The following DEFA5 variants were observed in gnomAD, a reference collection of about 807,000 sequenced individuals.
The protein encoded by DEFA5 is HD5(20-94).
DEFA5 carries 11 observed loss-of-function variants against 8.7 expected under a neutral mutation model. The observed-to-expected ratio is 1.26, with a 90% CI of 0.80 to 2.09. The LOEUF is 2.09. Among genes scored for constraint, DEFA5 ranks in the 30% most tolerant of loss-of-function variants. The pLI is 0.00. For missense variants in DEFA5, 181 were observed against 117.2 expected (o/e 1.54, Z -2.52); for synonymous variants, 52 against 43.9 (o/e 1.18, Z -0.73).
chr8:7,056,665 G>A lies in DEFA5; in HGVS notation c.33C>T (p.Leu11=), dbSNP rs1812444146. The A allele has an allele frequency of 2.5e-6, 4 of 1,613,564 alleles. No individual in the cohort carries two copies. Among genetic ancestry groups the A allele is most frequent in the Non-Finnish European group, 2.5e-6 (3 of 1,179,632 alleles). ...CAGCCTGGGCCTGCAGGGCCACCAG[G>A]AGAATGGCAGCAAGGATGGCGATGG... is the stretch of plus-strand genomic sequence containing the variant. MRTIAILAAI[L]LVALQAQAES... Residue 11 remains leucine, a synonymous_variant, in exon 1 of 2, where the codon CTC becomes CTT. Transcript: ENST00000330590.
At chr8:7,056,430 C>G (rs1313119557) in intron 1 of DEFA5, 96 bp downstream of exon 1, 1 of 1,256,422 alleles carries the variant, frequency 8.0e-7, no homozygotes, top group Non-Finnish European at 1.1e-6. Context: ...AGTAAAGTCA[C>G]TCAAGTGAGG....
chr8:7,055,360 G>T lies in DEFA5; in HGVS notation c.*71C>A. The T allele has an allele frequency of 9.0e-7, 1 of 1,110,082 alleles. No individual in the cohort carries two copies. 68.8% of individuals were successfully genotyped at this position (1,110,082 alleles called of 1,614,324 possible). On this transcript the variant is annotated 3_prime_UTR_variant, in exon 2 of 2. Transcript: ENST00000330590. ...AATTTAGAAAGACACAAGGTACACA[G>T]AGTAAAATGTTTTTCTTTTTTCAGG... is the stretch of plus-strand genomic sequence containing the variant.
chr8:7,055,774 C>T (rs894178476), intron 1 of DEFA5, among the ~76,000 whole-genome samples: 2 of 152,146 alleles, frequency 1.3e-5, no homozygotes, highest in East Asian at 1.9e-4. Flanking sequence ...TTATTACCTG[C>T]TCCCTGGTCC....
Sources: allele counts gnomAD v4.1 joint callset (sites outside exome capture counted in the v4.1 genomes callset), GRCh38; gene constraint gnomAD v4.1.1; transcripts MANE v1.5; gene names NCBI Gene and HGNC (gene_info 2026-07-23, HGNC 2026-07-21).